The following CD109 variants were observed in gnomAD, a reference collection of about 807,000 sequenced individuals.
CD109 encodes CD109 antigen.
Under a neutral mutation model 165.8 loss-of-function variants are expected in CD109, and 149 were observed. The observed-to-expected ratio is 0.90, with a 90% CI of 0.79 to 1.03. The LOEUF (loss-of-function observed/expected upper bound fraction) is 1.03. Ranked by LOEUF, CD109 falls within the 50% of genes least tolerant of loss-of-function variation. The probability of loss-of-function intolerance (pLI) is 0.00; values close to 1 mark genes in which losing one functional copy is unlikely to be tolerated. For missense variants in CD109, 1,712 were observed against 1,677.8 expected (o/e 1.02, Z -0.36); for synonymous variants, 585 against 592.1 (o/e 0.99, Z 0.18).
intron 30 of CD109, among the ~76,000 whole-genome samples, chr6:73,816,092 C>T (rs1775925845): frequency 6.6e-6 from 1 of 152,140 alleles, no homozygotes; most frequent in Non-Finnish European, 1.5e-5. Context: ...TGGACCCAGT[C>T]TCCGCCATTA....
In CD109 at chr6:73,764,503, T is replaced by C. The variant is rs150600055; in HGVS notation, c.1107+818T>C. 5.3e-5 allele frequency among the ~76,000 whole-genome samples: 8 copies of C among 152,342 alleles called. No individual in the cohort carries two copies. The East Asian group carries it at 1.5e-3, about 29-fold the overall frequency. ...GGCCTATCAGCTTGCAGTAGTTGGC[T>C]GATCTCTGATTTAAAGAAAGGAGGA... On this transcript the variant is annotated intron_variant, in intron 10 of 32. Transcript: ENST00000287097.
At position 73,809,999 on chromosome 6, in the gene CD109, G is replaced by A; in HGVS notation, c.3371G>A (p.Trp1124Ter). The A allele has an allele frequency of 6.3e-7, 1 of 1,589,906 alleles. No homozygotes were observed. The highest frequency in any genetic ancestry group is 1.2e-5 in the South Asian group (1 of 86,880). The change falls in exon 27 of 33, where the codon TGG becomes TAG. Residue 1124 changes from tryptophan (W) to a stop codon, truncating the protein, a stop_gained. Transcript: ENST00000287097. LOFTEE classifies it high-confidence loss of function. ...TCTCTTGCAGGTGGCATGCAATTCT[G>A]GGTGTCATCAGAGTCCAAACTTTCT... ...RAEQEGGMQF[W>*]VSSESKLSDS... is the part of the protein sequence containing the mutation.
the CD109 span, among the ~76,000 whole-genome samples, chr6:73,687,201 A>G: frequency 6.6e-6 from 1 of 152,120 alleles, no homozygotes. Flanking sequence ...CATATCTACT[A>G]TTTGGTTACC....
chr6:73,686,937 C>T, the CD109 span, among the ~76,000 whole-genome samples: 1 of 152,172 alleles, frequency 6.6e-6, no homozygotes, highest in Non-Finnish European at 1.5e-5. Context: ...AGTGATCCAC[C>T]CGCCTGGGTC....
intron 16 of CD109, 92 bp from the exon 17 acceptor site, chr6:73,781,167 A>G (rs1237898510): frequency 7.1e-6 from 7 of 991,930 alleles, no homozygotes; most frequent in African/African-American, 1.6e-5. Context: ...AAAAATGAGC[A>G]CAAGTGAGTC....
chr6:73,701,766 T>G (rs957262986), intron 2 of CD109, among the ~76,000 whole-genome samples: 1 of 152,162 alleles, frequency 6.6e-6, no homozygotes, highest in South Asian at 2.1e-4. Flanking sequence ...CATCATTAGT[T>G]TCATGTAAAC....
the CD109 span, among the ~76,000 whole-genome samples, chr6:73,685,556 A>T: frequency 3.1e-4 from 47 of 152,254 alleles, no homozygotes; most frequent in Non-Finnish European, 5.3e-4. Context: ...AACAATTTTT[A>T]AAAAATTTTA....
At chr6:73,755,478 T>G (rs984101919) in intron 5 of CD109, among the ~76,000 whole-genome samples, 6 of 152,228 alleles carry the variant, frequency 3.9e-5, no homozygotes, top group Admixed American at 1.3e-4. Context: ...AACTTCGTGG[T>G]GTACAGATAT....
chr6:73,694,931 T>G (rs1770766716), upstream of CD109: 1 of 152,226 alleles, frequency 6.6e-6, no homozygotes. Context: ...ATAGGCTGCC[T>G]GAAGGAAAGG....
chr6:73,811,237 A>G (rs1775749820), intron 28 of CD109, 90 bp downstream of exon 28: 2 of 1,406,090 alleles, frequency 1.4e-6, no homozygotes. Flanking sequence ...GATTTCAACA[A>G]AGACTTGTTT....
At chr6:73,823,397 G>A in intron 32 of CD109, 61 bp from the exon 33 acceptor site, 1 of 1,270,380 alleles carries the variant, frequency 7.9e-7, no homozygotes, top group Admixed American at 2.2e-5. Context: ...CTTATATTTT[G>A]GCAAAGTCAA....
At chr6:73,742,835 C>T (rs1395287696) in intron 5 of CD109, among the ~76,000 whole-genome samples, 1 of 152,170 alleles carries the variant, frequency 6.6e-6, no homozygotes, top group East Asian at 1.9e-4. Flanking sequence ...CAGGTCCCAC[C>T]CCCAGATCAC....
At chr6:73,758,404 G>T (rs1025732418) in intron 6 of CD109, among the ~76,000 whole-genome samples, 1 of 151,794 alleles carries the variant, frequency 6.6e-6, no homozygotes, top group Non-Finnish European at 1.5e-5. Context: ...ATTATTTTTC[G>T]AGACGGAGTC....
intron 2 of CD109, among the ~76,000 whole-genome samples, chr6:73,711,996 C>T (rs977213617): frequency 3.3e-5 from 5 of 152,174 alleles, no homozygotes; most frequent in South Asian, 2.1e-4. Context: ...CCTTACCTCC[C>T]TGCCATATGA....
intron 6 of CD109, among the ~76,000 whole-genome samples, chr6:73,758,263 C>T (rs1170346424): frequency 6.6e-6 from 1 of 151,856 alleles, no homozygotes; most frequent in Admixed American, 6.6e-5. Context: ...TGGCCTGTTT[C>T]TTTGGTCAGA....
chr6:73,738,385 C>T (rs564488891), intron 5 of CD109, among the ~76,000 whole-genome samples: 107 of 152,300 alleles, frequency 7.0e-4, no homozygotes, highest in African/African-American at 2.4e-3. Context: ...GGTGGGCCGC[C>T]CTGGGTCAAG....
At chr6:73,699,643 C>T (rs1770988193) in intron 2 of CD109, among the ~76,000 whole-genome samples, 1 of 152,006 alleles carries the variant, frequency 6.6e-6, no homozygotes, top group African/African-American at 2.4e-5. Context: ...AGAAGGGTTC[C>T]TTGTATGCCC....
At position 73,810,030 on chromosome 6, in the gene CD109, C is replaced by T. The variant is rs745339435; in HGVS notation, c.3402C>T (p.Ser1134=). 2 of 1,601,462 alleles carry T rather than the reference C, an allele frequency of 1.2e-6. No homozygotes were observed. The highest frequency in any genetic ancestry group is 1.8e-5 in the Admixed American group (1 of 57,040). The change falls in exon 27 of 33, where the codon TCC becomes TCT. Residue 1134 remains serine (S), a synonymous_variant. Coordinates refer to ENST00000287097, the MANE Select transcript of CD109 (RefSeq NM_133493.5). ...CATCAGAGTCCAAACTTTCTGACTCCTGGCAGCCACGCTCCCTGGATATTG... is the reference window on the plus strand; with the variant it reads ...CATCAGAGTCCAAACTTTCTGACTCTTGGCAGCCACGCTCCCTGGATATTG... ...WVSSESKLSD[S]WQPRSLDIEV...
chr6:73,701,410 A>G (rs1368213179), intron 2 of CD109, among the ~76,000 whole-genome samples: 2 of 152,208 alleles, frequency 1.3e-5, no homozygotes, highest in African/African-American at 4.8e-5. Flanking sequence ...AAGATGGCAC[A>G]GCTATTGGCA....
Sources: gnomAD v4.1 joint callset for allele counts (sites outside exome capture counted in the v4.1 genomes callset) on GRCh38, gnomAD v4.1.1 for gene constraint, MANE v1.5 for transcripts, NCBI Gene and HGNC (gene_info 2026-07-23, HGNC 2026-07-21) for gene names.